Variants in BACE2 observed in about 807,000 individuals in gnomAD.
BACE2 encodes the protein beta-secretase 2.
A neutral mutation model predicts 46.2 loss-of-function variants in BACE2; 17 were observed. The observed-to-expected ratio is 0.37, with a 90% CI of 0.25 to 0.55. BACE2 has a LOEUF of 0.55. BACE2 is among the 20% of genes least tolerant of loss of function. BACE2 has a pLI of 0.82. For synonymous variants in BACE2, 277 were observed against 295.9 expected (o/e 0.94, Z 0.66); for missense variants, 595 against 698.1 (o/e 0.85, Z 1.66).
At chr21:41,263,949 T>C (rs1988002960) in intron 8 of BACE2, among the ~76,000 whole-genome samples, 1 of 152,220 alleles carries the variant, frequency 6.6e-6, no homozygotes, top group South Asian at 2.1e-4. Flanking sequence ...GCACATTCTT[T>C]CTAGTCTCTT....
intron 1 of BACE2, among the ~76,000 whole-genome samples, chr21:41,170,917 G>A (rs1984585940): frequency 6.6e-6 from 1 of 152,168 alleles, no homozygotes; most frequent in South Asian, 2.1e-4. Context: ...CCACCCCTCG[G>A]GGGTCTTATA....
At chr21:41,256,450 A>G (rs780550809) in intron 7 of BACE2, among the ~76,000 whole-genome samples, 1 of 152,180 alleles carries the variant, frequency 6.6e-6, no homozygotes, top group Non-Finnish European at 1.5e-5. Context: ...ATAGTATTCC[A>G]TGGTATATAT....
At chr21:41,267,109 A>G (rs1158797331) in intron 8 of BACE2, among the ~76,000 whole-genome samples, 1 of 152,064 alleles carries the variant, frequency 6.6e-6, no homozygotes, top group Non-Finnish European at 1.5e-5. Flanking sequence ...CAACATCCTC[A>G]CGCCCTTTTC....
chr21:41,225,642 AGG>A (rs1986793992), intron 1 of BACE2: 1 of 152,390 alleles, frequency 6.6e-6, no homozygotes, highest in Non-Finnish European at 1.5e-5. Context: ...GAACCTTTTG[AGG>A]TGAATAGAAG....
intron 2 of BACE2, among the ~76,000 whole-genome samples, chr21:41,232,749 C>G (rs1013749276): frequency 6.6e-6 from 1 of 152,176 alleles, no homozygotes; most frequent in Non-Finnish European, 1.5e-5. Flanking sequence ...CAGATGCCAG[C>G]AACATGCTTC....
At chr21:41,216,553 C>T (rs796458080) in intron 1 of BACE2, among the ~76,000 whole-genome samples, 7 of 152,320 alleles carry the variant, frequency 4.6e-5, no homozygotes, top group African/African-American at 1.4e-4. Flanking sequence ...CCTGCCTCTG[C>T]GGAGGAGTGA....
At chr21:41,210,442 G>A (rs1011797831) in intron 1 of BACE2, among the ~76,000 whole-genome samples, 21 of 152,106 alleles carry the variant, frequency 1.4e-4, no homozygotes, top group African/African-American at 4.8e-4. Flanking sequence ...CTCAGGTCAC[G>A]CCAGGCAAGG....
At chr21:41,262,233 T>C (rs1156434289) in intron 8 of BACE2, among the ~76,000 whole-genome samples, 1 of 152,186 alleles carries the variant, frequency 6.6e-6, no homozygotes, top group Non-Finnish European at 1.5e-5. Context: ...TATACCGCAT[T>C]GATTTTGCAT....
chr21:41,251,323 T>G (rs1987631358), intron 7 of BACE2, among the ~76,000 whole-genome samples: 2 of 152,220 alleles, frequency 1.3e-5, no homozygotes, highest in South Asian at 4.1e-4. Context: ...TCTTCCATGA[T>G]GCTGCCCAAA....
chr21:41,245,983 G>C lies in BACE2; in HGVS notation c.904G>C (p.Val302Leu). 1 of 1,610,786 alleles carries C rather than the reference G, an allele frequency of 6.2e-7. No individual in the cohort carries two copies. Among genetic ancestry groups the C allele is most frequent in the Non-Finnish European group, 8.5e-7 (1 of 1,178,584 alleles). The change falls in exon 6 of 9, where the codon GTG (valine) becomes CTG (leucine). Residue 302 changes from valine (V) to leucine (L), a missense_variant. Transcript: ENST00000330333. ...CAAGTATAACGCAGACAAGGCCATC[G>C]TGGACAGTGGCACCACGCTGCTGCG... ...CREYNADKAI[V>L]DSGTTLLRLP... is the part of the protein sequence containing the mutation.
chr21:41,179,002 A>C (rs1984966082), intron 1 of BACE2: 14 of 905,948 alleles, frequency 1.5e-5, no homozygotes, highest in Non-Finnish European at 1.9e-5. Context: ...TGGCTTGAGG[A>C]GGACTGAGCC....
rs750260577 is a variant in BACE2 at position 41,168,502 on chromosome 21, T to C, written c.239T>C (p.Met80Thr). Residue 80 changes from methionine to threonine, a missense_variant, in exon 1 of 9, where the codon ATG becomes ACG. By Grantham distance (81) the Met-to-Thr change is moderately conservative. Coordinates refer to ENST00000330333, the MANE Select transcript of BACE2 (RefSeq NM_012105.5). Reference sequence around the variant, plus strand: ...GCGGGCGCCGCCAACTTCTTGGCCATGGTAGACAACCTGCAGGGGGACTCT... The same window carrying C: ...GCGGGCGCCGCCAACTTCTTGGCCACGGTAGACAACCTGCAGGGGGACTCT... ...SPAGAANFLA[M>T]VDNLQGDSGR... 5 of 1,370,296 alleles carry C rather than the reference T, an allele frequency of 3.6e-6. No homozygotes were observed. Among genetic ancestry groups the C allele is most frequent in the Non-Finnish European group, 4.7e-6 (5 of 1,055,852 alleles). 84.9% of individuals were successfully genotyped at this position (1,370,296 alleles called of 1,614,324 possible).
At chr21:41,247,211 G>A (rs571875611) in intron 6 of BACE2, among the ~76,000 whole-genome samples, 2 of 152,304 alleles carry the variant, frequency 1.3e-5, no homozygotes, top group African/African-American at 4.8e-5. Context: ...GCTTTGGGTT[G>A]TCCTGAACTT....
At chr21:41,259,519 T>C (rs1987874546) in intron 8 of BACE2, among the ~76,000 whole-genome samples, 1 of 152,126 alleles carries the variant, frequency 6.6e-6, no homozygotes, top group Non-Finnish European at 1.5e-5. Context: ...GAAAATCATA[T>C]ACTATGTGTG....
At chr21:41,237,232 G>A (rs1987149357) in intron 2 of BACE2, among the ~76,000 whole-genome samples, 1 of 152,110 alleles carries the variant, frequency 6.6e-6, no homozygotes, top group African/African-American at 2.4e-5. Flanking sequence ...CAGATCACAA[G>A]GTCAAGAGAT....
intron 1 of BACE2, among the ~76,000 whole-genome samples, chr21:41,218,612 T>C (rs1986546526): frequency 1.3e-5 from 2 of 152,170 alleles, no homozygotes. Flanking sequence ...AACAACAGTG[T>C]AACCTATGGA....
chr21:41,195,232 A>T (rs1463705563), intron 1 of BACE2, among the ~76,000 whole-genome samples: 2 of 152,218 alleles, frequency 1.3e-5, no homozygotes, highest in Non-Finnish European at 2.9e-5. Flanking sequence ...AGCCTATGAT[A>T]TTTACTGTCT....
chr21:41,242,248 T>TG (rs1050607648), intron 4 of BACE2, among the ~76,000 whole-genome samples: 4 of 97,530 alleles, frequency 4.1e-5, no homozygotes, highest in African/African-American at 8.1e-5. Flanking sequence ...TGAGGAGCGG[T>TG]GGGGGGCGTG....
intron 1 of BACE2, among the ~76,000 whole-genome samples, chr21:41,221,591 C>G (rs1016537850): frequency 6.6e-6 from 1 of 152,034 alleles, no homozygotes; most frequent in East Asian, 1.9e-4. Context: ...TTTGGGAGGC[C>G]GCAGAGGGTG....
Sources: gnomAD v4.1 joint callset for allele counts (sites outside exome capture counted in the v4.1 genomes callset) on GRCh38, gnomAD v4.1.1 for gene constraint, MANE v1.5 for transcripts, NCBI Gene and HGNC (gene_info 2026-07-23, HGNC 2026-07-21) for gene names.